RBX1: variants seen among roughly 807,000 people sequenced by gnomAD.
RBX1 encodes the protein E3 ubiquitin-protein ligase RBX1.
For synonymous variants in RBX1, 48 were observed against 47.9 expected (o/e 1.00, Z -0.01); for missense variants, 46 against 141.4 (o/e 0.33, Z 3.42).
chr22:40,967,898 G>A lies in RBX1; in HGVS notation c.314+14G>A. The A allele has an allele frequency of 1.9e-6, 3 of 1,598,382 alleles. No individual in the cohort carries two copies. The highest frequency in any genetic ancestry group is 1.7e-4 in the Middle Eastern group (1 of 6,026). On this transcript the variant is annotated intron_variant, in intron 4 of 4. Coordinates refer to ENST00000216225, the MANE Select transcript of RBX1 (RefSeq NM_014248.4). ...GGAATTCCAAAAGTAGGTATCTTTGGTTGTTTTGACGGGGCTTTTTGACTT... is the reference window on the plus strand; with the variant it reads ...GGAATTCCAAAAGTAGGTATCTTTGATTGTTTTGACGGGGCTTTTTGACTT...
intron 4 of RBX1, among the ~76,000 whole-genome samples, chr22:40,971,005 T>G (rs182772587): frequency 6.6e-6 from 1 of 152,298 alleles, no homozygotes; most frequent in East Asian, 1.9e-4. Context: ...GCTTGCATTC[T>G]ACAGGGAACC....
At chr22:40,964,914 A>G (rs1266197881) in intron 3 of RBX1, among the ~76,000 whole-genome samples, 1 of 152,226 alleles carries the variant, frequency 6.6e-6, no homozygotes. Context: ...TGGGGCTGAT[A>G]GTGGACCACA....
chr22:40,965,929 A>G (rs573185969), intron 3 of RBX1, among the ~76,000 whole-genome samples: 43 of 152,322 alleles, frequency 2.8e-4, no homozygotes, highest in African/African-American at 1.0e-3. Context: ...GTGGAAAGAA[A>G]AGAGAGTGAA....
chr22:40,971,065 G>T (rs956294793), intron 4 of RBX1, among the ~76,000 whole-genome samples: 2 of 152,178 alleles, frequency 1.3e-5, no homozygotes, highest in Non-Finnish European at 2.9e-5. Context: ...TTTTCAGGGG[G>T]CCTTTGTAAT....
At chr22:40,966,262 A>ATT (rs564734152) in intron 3 of RBX1, 96 of 152,340 alleles carry the variant, frequency 6.3e-4, no homozygotes, top group African/African-American at 2.1e-3. Flanking sequence ...AAATATATCC[A>ATT]TTAATACATC....
At chr22:40,954,014 G>A (rs1321834730) in intron 2 of RBX1, among the ~76,000 whole-genome samples, 1 of 152,158 alleles carries the variant, frequency 6.6e-6, no homozygotes, top group African/African-American at 2.4e-5. Context: ...GCTCATGCTT[G>A]TAATCCCAGC....
rs1384338233 is a variant in RBX1, at chr22:40,973,148, A to T, written c.*660A>T. ...GACAGCAGTCCCCAACCTTTTTGCCACCAGGGATTGGTTTCATGGAAGACG... is the reference window on the plus strand; with the variant it reads ...GACAGCAGTCCCCAACCTTTTTGCCTCCAGGGATTGGTTTCATGGAAGACG... On this transcript the variant is annotated 3_prime_UTR_variant, in exon 5 of 5. Coordinates refer to ENST00000216225, the MANE Select transcript of RBX1 (RefSeq NM_014248.4). The T allele has an allele frequency of 6.6e-6, 1 of 152,062 alleles. No homozygotes were observed. The highest frequency in any genetic ancestry group is 1.5e-5 in the Non-Finnish European group (1 of 68,066). The allele number at this position is 152,062 out of a possible 1,614,324, so 9.4% of individuals were successfully genotyped here.
chr22:40,969,105 G>A (rs2058361793), intron 4 of RBX1, among the ~76,000 whole-genome samples: 1 of 151,782 alleles, frequency 6.6e-6, no homozygotes, highest in Admixed American at 6.6e-5. Context: ...CCTGAGGTTG[G>A]GTGTTCAAGG....
chr22:40,968,085 CTTTTTTTTTT>C (rs938566744), intron 4 of RBX1, among the ~76,000 whole-genome samples: 1 of 111,208 alleles, frequency 9.0e-6, no homozygotes, highest in Non-Finnish European at 1.8e-5. Context: ...GTTTCCCAAC[CTTTTTTTTTT>C]TTTTTTTTTT....
intron 4 of RBX1, among the ~76,000 whole-genome samples, chr22:40,969,310 C>CA (rs1471552223): frequency 1.3e-5 from 2 of 152,184 alleles, no homozygotes; most frequent in African/African-American, 4.8e-5. Flanking sequence ...TCTCAAAAAA[C>CA]AAAGTCAGTC....
chr22:40,951,876 C>G (rs1569041402), intron 1 of RBX1, among the ~76,000 whole-genome samples: 3 of 152,146 alleles, frequency 2.0e-5, no homozygotes, highest in Admixed American at 2.0e-4. Flanking sequence ...GCGGCGAGAG[C>G]CTGGAACCTG....
chr22:40,951,955 T>TGGGGTCCTCTCACTTGGA lies in RBX1; in HGVS notation c.78+501_78+518dup, dbSNP rs758380960. Among the ~76,000 whole-genome samples, 504 of 152,132 alleles carry TGGGGTCCTCTCACTTGGA rather than the reference T, an allele frequency of 3.3e-3. 2 individuals carry two copies. Among genetic ancestry groups the TGGGGTCCTCTCACTTGGA allele is most frequent in the African/African-American group, 0.01 (431 of 41,470 alleles). ...TCTTGCTCCGCCCCTTTTTGAAGCT[T>TGGGGTCCTCTCACTTGGA]GGGGTCCTCTCACTTGGAGGGGTCC... is the stretch of plus-strand genomic sequence containing the variant. On this transcript the variant is annotated intron_variant, in intron 1 of 4. Transcript: ENST00000216225.
chr22:40,959,277 C>T (rs761062513), intron 2 of RBX1, among the ~76,000 whole-genome samples: 1 of 152,162 alleles, frequency 6.6e-6, no homozygotes, highest in Non-Finnish European at 1.5e-5. Context: ...GACATGAACC[C>T]GTTATGTGCC....
intron 4 of RBX1, among the ~76,000 whole-genome samples, chr22:40,970,871 GTTT>G (rs1203867892): frequency 6.6e-6 from 1 of 152,144 alleles, no homozygotes; most frequent in Non-Finnish European, 1.5e-5. Context: ...TGCGTATTCA[GTTT>G]TTAAGAAACC....
At chr22:40,968,879 G>A (rs1457321863) in intron 4 of RBX1, among the ~76,000 whole-genome samples, 1 of 145,864 alleles carries the variant, frequency 6.9e-6, no homozygotes, top group Non-Finnish European at 1.5e-5. Context: ...TGTACATTTT[G>A]GAGATTTTCC....
In RBX1 at chr22:40,959,111, C is replaced by T. The variant is rs185207800; in HGVS notation, c.158-4936C>T. On this transcript the variant is annotated intron_variant, in intron 2 of 4. Transcript: ENST00000216225. ...GATTACAGGCGTGAGCCACCACGCC[C>T]GGCCCCGTCAGTGTTTTGAAAGTGT... Among the ~76,000 whole-genome samples the T allele has an allele frequency of 1.4e-3, 217 of 152,304 alleles. 1 individual carries two copies. The highest frequency in any genetic ancestry group is 4.8e-3 in the African/African-American group (198 of 41,566).
intron 1 of RBX1, among the ~76,000 whole-genome samples, chr22:40,951,976 G>C (rs769579352): frequency 6.6e-6 from 1 of 152,220 alleles, no homozygotes; most frequent in African/African-American, 2.4e-5. Context: ...CACTTGGAGG[G>C]GTCCTCTCAC....
intron 4 of RBX1, among the ~76,000 whole-genome samples, chr22:40,971,317 C>CTG (rs1384266764): frequency 2.6e-5 from 4 of 152,166 alleles, no homozygotes; most frequent in Non-Finnish European, 5.9e-5. Context: ...ATCTCACATG[C>CTG]TAGAGCCTAA....
rs552274584 is a variant in RBX1 at position 40,951,384 on chromosome 22, C to T, written c.-15C>T. ...GCAGGCGCGGTGGTCGGACGACAGA[C>T]CGTGTGTTTCCAAAATGGCGGCAGC... On this transcript the variant is annotated 5_prime_UTR_variant, in exon 1 of 5. Transcript: ENST00000216225. 2.5e-6 allele frequency: 4 copies of T among 1,611,932 alleles called. No homozygotes were observed. The highest frequency in any genetic ancestry group is 4.5e-5 in the East Asian group (2 of 44,820).
Sources: gnomAD v4.1 joint callset for allele counts (sites outside exome capture counted in the v4.1 genomes callset) on GRCh38, gnomAD v4.1.1 for gene constraint, MANE v1.5 for transcripts, NCBI Gene and HGNC (gene_info 2026-07-23, HGNC 2026-07-21) for gene names.